The following AFG1L variants were observed in gnomAD, a reference collection of about 807,000 sequenced individuals.
AFG1L encodes AFG1-like ATPase.
Under a neutral mutation model 62.2 loss-of-function variants are expected in AFG1L, and 53 were observed. The ratio of observed to expected loss-of-function variants is 0.85; its 90% CI spans 0.68 to 1.07. The LOEUF (loss-of-function observed/expected upper bound fraction) is 1.07. Among genes scored for constraint, AFG1L ranks in the 50% least tolerant of loss-of-function variants. The probability of loss-of-function intolerance (pLI) is 0.00; values close to 1 mark genes in which losing one functional copy is unlikely to be tolerated. For missense variants in AFG1L, 555 were observed against 590.5 expected (o/e 0.94, Z 0.62); for synonymous variants, 228 against 210.3 (o/e 1.08, Z -0.73).
intron 6 of AFG1L, among the ~76,000 whole-genome samples, chr6:108,399,769 CTTTTTTTTTTTT>C (rs757924406): frequency 2.6e-4 from 11 of 42,688 alleles, no homozygotes; most frequent in South Asian, 1.0e-3. Flanking sequence ...AAGTATCTCT[CTTTTTTTTTTTT>C]TTTTTTTTTT....
chr6:108,462,573 A>G (rs553011640), intron 8 of AFG1L, among the ~76,000 whole-genome samples: 1 of 152,356 alleles, frequency 6.6e-6, no homozygotes, highest in Non-Finnish European at 1.5e-5. Flanking sequence ...CAGCAACAAA[A>G]GAAGTCCATC....
chr6:108,307,323 T>G (rs1025370036), intron 1 of AFG1L, among the ~76,000 whole-genome samples: 1 of 152,190 alleles, frequency 6.6e-6, no homozygotes, highest in Non-Finnish European at 1.5e-5. Context: ...AAAAATAAGT[T>G]ACTTTTAATT....
intron 8 of AFG1L, among the ~76,000 whole-genome samples, chr6:108,475,909 A>C (rs1317752793): frequency 3.3e-5 from 5 of 152,238 alleles, no homozygotes; most frequent in Admixed American, 2.6e-4. Flanking sequence ...ATAAGACTTT[A>C]GTAAGATGGA....
At chr6:108,311,813 A>G (rs912832091) in intron 1 of AFG1L, among the ~76,000 whole-genome samples, 3 of 152,070 alleles carry the variant, frequency 2.0e-5, no homozygotes, top group Non-Finnish European at 4.4e-5. Flanking sequence ...TATACTTTTT[A>G]AAACTGATTC....
intron 1 of AFG1L, among the ~76,000 whole-genome samples, chr6:108,314,651 G>A (rs553056188): frequency 7.9e-5 from 12 of 151,406 alleles, no homozygotes; most frequent in African/African-American, 2.7e-4. Flanking sequence ...CGCCCGCCTC[G>A]GCCTCCCAAA....
At chr6:108,386,257 T>TGGA in intron 6 of AFG1L, among the ~76,000 whole-genome samples, 1 of 151,884 alleles carries the variant, frequency 6.6e-6, no homozygotes, top group African/African-American at 2.4e-5. Flanking sequence ...AGGTCAGAAG[T>TGGA]TTGAGACCAG....
intron 10 of AFG1L, among the ~76,000 whole-genome samples, chr6:108,480,125 C>G (rs1006344851): frequency 6.6e-6 from 1 of 152,172 alleles, no homozygotes; most frequent in Non-Finnish European, 1.5e-5. Flanking sequence ...ATTTAGAATC[C>G]TGCAGGTTAA....
chr6:108,388,673 G>A (rs546831231), intron 6 of AFG1L, among the ~76,000 whole-genome samples: 1 of 150,788 alleles, frequency 6.6e-6, no homozygotes, highest in East Asian at 1.9e-4. Context: ...CAGTTTCCAT[G>A]TAGTTGAGCG....
chr6:108,337,457 G>A (rs571531772), intron 2 of AFG1L, among the ~76,000 whole-genome samples: 186 of 152,292 alleles, frequency 1.2e-3, no homozygotes, highest in African/African-American at 4.2e-3. Flanking sequence ...TATTCCGTGA[G>A]TTCCTTGGAA....
chr6:108,511,679 T>C (rs943786662), intron 11 of AFG1L, among the ~76,000 whole-genome samples: 6 of 152,238 alleles, frequency 3.9e-5, no homozygotes, highest in Non-Finnish European at 7.3e-5. Context: ...TATACTTTTT[T>C]CTCCCTATTC....
At chr6:108,485,560 G>A (rs1773503356) in intron 10 of AFG1L, among the ~76,000 whole-genome samples, 1 of 134,578 alleles carries the variant, frequency 7.4e-6, no homozygotes, top group East Asian at 2.2e-4. Context: ...GTCTTTGAGA[G>A]GAATATGTCA....
At chr6:108,482,172 A>G (rs902794893) in intron 10 of AFG1L, among the ~76,000 whole-genome samples, 17 of 152,234 alleles carry the variant, frequency 1.1e-4, no homozygotes, top group African/African-American at 3.6e-4. Flanking sequence ...GCATAACTCA[A>G]TGAACCAATA....
At position 108,466,339 on chromosome 6, in the gene AFG1L, C is replaced by G. The variant is rs527421667; in HGVS notation, c.891-10526C>G. 2.6e-5 allele frequency among the ~76,000 whole-genome samples: 4 copies of G among 152,270 alleles called. No homozygotes were observed. The East Asian group carries it at 7.7e-4, about 29-fold the overall frequency. On this transcript the variant is annotated intron_variant, in intron 8 of 12. Coordinates refer to ENST00000368977, the MANE Select transcript of AFG1L (RefSeq NM_145315.5). Reference sequence around the variant, plus strand: ...ATATGAGTTTACCAAAAGGAATGTACTAGAATGTTCATGGTAGCACTATTC... The same window carrying G: ...ATATGAGTTTACCAAAAGGAATGTAGTAGAATGTTCATGGTAGCACTATTC...
intron 10 of AFG1L, among the ~76,000 whole-genome samples, chr6:108,509,197 A>C (rs948206713): frequency 1.3e-5 from 2 of 152,142 alleles, no homozygotes; most frequent in Non-Finnish European, 2.9e-5. Context: ...AGTTAAATTC[A>C]TGTTTCAGAA....
At chr6:108,299,369 T>C (rs1286179985) in intron 1 of AFG1L, among the ~76,000 whole-genome samples, 3 of 151,598 alleles carry the variant, frequency 2.0e-5, no homozygotes, top group African/African-American at 7.3e-5. Flanking sequence ...GGTGAAATAA[T>C]GACATAATAA....
At chr6:108,417,247 C>G (rs1770342882) in intron 7 of AFG1L, among the ~76,000 whole-genome samples, 1 of 106,524 alleles carries the variant, frequency 9.4e-6, no homozygotes, top group African/African-American at 3.9e-5. Context: ...CACACACACA[C>G]ACACACACAC....
chr6:108,440,059 T>C (rs1392412506), intron 7 of AFG1L, among the ~76,000 whole-genome samples: 1 of 152,240 alleles, frequency 6.6e-6, no homozygotes, highest in Non-Finnish European at 1.5e-5. Flanking sequence ...GAAAAACTTA[T>C]ATAAGCTATA....
intron 6 of AFG1L, among the ~76,000 whole-genome samples, chr6:108,401,690 T>TTG (rs1219328895): frequency 6.6e-6 from 1 of 152,204 alleles, no homozygotes; most frequent in African/African-American, 2.4e-5. Context: ...TCTTCTCATA[T>TTG]TGGGTTATTG....
chr6:108,505,066 G>A (rs1048999496), intron 10 of AFG1L, among the ~76,000 whole-genome samples: 3 of 150,336 alleles, frequency 2.0e-5, no homozygotes, highest in African/African-American at 7.3e-5. Flanking sequence ...AAAACCTCAA[G>A]CCCTGAGCTT....
Sources: allele counts gnomAD v4.1 joint callset (sites outside exome capture counted in the v4.1 genomes callset), GRCh38; gene constraint gnomAD v4.1.1; transcripts MANE v1.5; gene names NCBI Gene and HGNC (gene_info 2026-07-23, HGNC 2026-07-21).